GRIN2B: variants seen among roughly 807,000 people sequenced by gnomAD.
GRIN2B encodes glutamate receptor ionotropic, NMDA 2B.
GRIN2B carries 5 observed loss-of-function variants against 114.5 expected under a neutral mutation model. That is an observed-to-expected ratio of 0.04 (90% CI 0.02 to 0.09). The LOEUF is 0.09. GRIN2B is among the 10% of genes least tolerant of loss of function. GRIN2B has a pLI of 1.00. For missense variants in GRIN2B, 1,108 were observed against 1,943.5 expected (o/e 0.57, Z 8.08); for synonymous variants, 787 against 745.1 (o/e 1.06, Z -0.92).
intron 5 of GRIN2B, among the ~76,000 whole-genome samples, chr12:13,629,390 C>A (rs1314692292): frequency 6.6e-6 from 1 of 152,152 alleles, no homozygotes; most frequent in African/African-American, 2.4e-5. Context: ...GACTTCCATT[C>A]ACAGATACTC....
intron 3 of GRIN2B, among the ~76,000 whole-genome samples, chr12:13,759,547 T>A (rs961808665): frequency 1.3e-5 from 2 of 152,106 alleles, no homozygotes; most frequent in African/African-American, 4.8e-5. Flanking sequence ...CTGAATCCAA[T>A]TAGACTTTCA....
intron 2 of GRIN2B, among the ~76,000 whole-genome samples, chr12:13,960,216 G>A (rs1029838377): frequency 8.5e-5 from 13 of 152,076 alleles, no homozygotes; most frequent in Admixed American, 6.6e-4. Context: ...ATGGGTTAGA[G>A]GTAATATTGA....
At chr12:13,964,281 A>G (rs923361687) in intron 2 of GRIN2B, among the ~76,000 whole-genome samples, 3 of 152,326 alleles carry the variant, frequency 2.0e-5, no homozygotes, top group Non-Finnish European at 2.9e-5. Context: ...TAAAGACACC[A>G]TCAATTCTGC....
intron 4 of GRIN2B, among the ~76,000 whole-genome samples, chr12:13,729,128 G>GT (rs900081360): frequency 6.6e-6 from 1 of 152,124 alleles, no homozygotes; most frequent in Non-Finnish European, 1.5e-5. Flanking sequence ...TTATTTTTCT[G>GT]TTTTTTTCTT....
chr12:13,825,493 A>ATATATTTTTTTT (rs1555144006), intron 3 of GRIN2B, among the ~76,000 whole-genome samples: 11 of 28,128 alleles, frequency 3.9e-4, no homozygotes, highest in African/African-American at 9.1e-4. Context: ...ATATATATAT[A>ATATATTTTTTTT]TTTTGTGTGT....
chr12:13,817,024 A>G (rs1864836334), intron 3 of GRIN2B, among the ~76,000 whole-genome samples: 1 of 151,828 alleles, frequency 6.6e-6, no homozygotes, highest in Admixed American at 6.6e-5. Flanking sequence ...CAAAGGATTC[A>G]ATTAACTGTT....
chr12:13,687,379 T>C (rs1950181839), intron 4 of GRIN2B, among the ~76,000 whole-genome samples: 1 of 152,060 alleles, frequency 6.6e-6, no homozygotes, highest in African/African-American at 2.4e-5. Flanking sequence ...GCTAGTCATC[T>C]CTCCATTTTT....
At chr12:13,877,669 C>T (rs1402638646) in intron 2 of GRIN2B, among the ~76,000 whole-genome samples, 4 of 152,098 alleles carry the variant, frequency 2.6e-5, no homozygotes, top group Admixed American at 2.6e-4. Flanking sequence ...AAGCCTGTGG[C>T]TCTATTTCCT....
intron 5 of GRIN2B, among the ~76,000 whole-genome samples, chr12:13,636,488 G>T (rs1236011017): frequency 6.6e-6 from 1 of 152,210 alleles, no homozygotes; most frequent in Non-Finnish European, 1.5e-5. Flanking sequence ...GGATGCAAAA[G>T]ACAAGGGAAC....
At chr12:13,720,946 A>C (rs897304873) in intron 4 of GRIN2B, among the ~76,000 whole-genome samples, 6 of 152,242 alleles carry the variant, frequency 3.9e-5, no homozygotes, top group Middle Eastern at 3.4e-3. Context: ...AGAGAGAGAT[A>C]ATAAACTACA....
intron 2 of GRIN2B, among the ~76,000 whole-genome samples, chr12:13,885,898 T>C (rs1045565913): frequency 6.6e-6 from 1 of 152,228 alleles, no homozygotes; most frequent in Non-Finnish European, 1.5e-5. Flanking sequence ...CAGAAACACC[T>C]GAGCACTTGG....
chr12:13,701,539 A>G (rs963188479), intron 4 of GRIN2B, among the ~76,000 whole-genome samples: 3 of 151,870 alleles, frequency 2.0e-5, no homozygotes, highest in African/African-American at 7.3e-5. Context: ...AGAAAAAAAA[A>G]CAGACAGTTC....
intron 4 of GRIN2B, among the ~76,000 whole-genome samples, chr12:13,680,436 T>TTGTGTGTG (rs56755720): frequency 0.025 from 3,057 of 123,376 alleles, 45 homozygotes; most frequent in East Asian, 0.058. Context: ...CCCATCAAGG[T>TTGTGTGTG]TGTGTGTGTG....
At chr12:13,734,265 C>T (rs1409130263) in intron 4 of GRIN2B, among the ~76,000 whole-genome samples, 3 of 152,140 alleles carry the variant, frequency 2.0e-5, no homozygotes, top group Non-Finnish European at 4.4e-5. Flanking sequence ...GAAATCTAGG[C>T]ACAAGCTAAT....
intron 4 of GRIN2B, among the ~76,000 whole-genome samples, chr12:13,738,187 G>A (rs1440083451): frequency 6.6e-6 from 1 of 152,126 alleles, no homozygotes; most frequent in Non-Finnish European, 1.5e-5. Context: ...CCTTTTATCT[G>A]CAGTACTTCA....
intron 2 of GRIN2B, among the ~76,000 whole-genome samples, chr12:13,966,315 G>C (rs977196662): frequency 6.6e-6 from 1 of 152,144 alleles, no homozygotes; most frequent in Non-Finnish European, 1.5e-5. Context: ...ATCCAATTTG[G>C]TTTGTCTTTG....
chr12:13,791,619 A>G (rs1864323444), intron 3 of GRIN2B, among the ~76,000 whole-genome samples: 1 of 152,192 alleles, frequency 6.6e-6, no homozygotes, highest in East Asian at 1.9e-4. Context: ...ATGAATAAAC[A>G]CCTCTATTAG....
intron 2 of GRIN2B, among the ~76,000 whole-genome samples, chr12:13,889,254 G>T (rs376303223): frequency 2.0e-3 from 300 of 152,230 alleles, no homozygotes; most frequent in African/African-American, 6.8e-3. Context: ...TGGGACCACC[G>T]TCAAATATGT....
intron 4 of GRIN2B, among the ~76,000 whole-genome samples, chr12:13,685,385 T>G (rs138437343): frequency 2.1e-3 from 324 of 151,926 alleles, no homozygotes; most frequent in African/African-American, 7.4e-3. Context: ...GGCTGGAGAG[T>G]GGAAGTTATG....
Sources: gnomAD v4.1 joint callset for allele counts (sites outside exome capture counted in the v4.1 genomes callset) on GRCh38, gnomAD v4.1.1 for gene constraint, MANE v1.5 for transcripts, NCBI Gene and HGNC (gene_info 2026-07-23, HGNC 2026-07-21) for gene names.